TUSC3: variants seen among roughly 807,000 people sequenced by gnomAD.
TUSC3 encodes dolichyl-diphosphooligosaccharide--protein glycosyltransferase subunit TUSC3.
In TUSC3, 45 loss-of-function variants were observed where a neutral mutation model predicts 44.8. The observed-to-expected ratio is 1.00, with a 90% CI of 0.79 to 1.29. The LOEUF is 1.29. TUSC3 is among the 50% of genes most tolerant of loss of function. The probability of loss-of-function intolerance (pLI) is 0.00; values close to 1 mark genes in which losing one functional copy is unlikely to be tolerated. For synonymous variants in TUSC3, 212 were observed against 152.9 expected, an observed-to-expected ratio of 1.39 and a Z score of -2.85; for missense variants, 519 against 437.9, an observed-to-expected ratio of 1.19 and a Z score of -1.65.
the TUSC3 span, among the ~76,000 whole-genome samples, chr8:15,783,315 T>C: frequency 2.6e-5 from 4 of 152,186 alleles, no homozygotes; most frequent in African/African-American, 9.7e-5. Context: ...CACTAACAGA[T>C]TTGACGCAAT....
intron 6 of TUSC3, chr8:15,689,379 G>C (rs1262869369): frequency 4.5e-6 from 1 of 222,828 alleles, no homozygotes; most frequent in African/African-American, 2.4e-5. Flanking sequence ...CTGGGGCCTG[G>C]GGGTGACACC....
At chr8:15,492,622 CAAATT>C (rs139779877) in intron 2 of TUSC3, among the ~76,000 whole-genome samples, 8,061 of 151,956 alleles carry the variant, frequency 0.053, 310 homozygotes, top group East Asian at 0.17. Flanking sequence ...ACTTCAGACA[CAAATT>C]AAATAATTTT....
chr8:15,443,064 T>C (rs1800041393), intron 1 of TUSC3, among the ~76,000 whole-genome samples: 1 of 152,226 alleles, frequency 6.6e-6, no homozygotes, highest in South Asian at 2.1e-4. Context: ...CTGTTTTTGC[T>C]ATCTTCAGAG....
At chr8:15,784,103 A>G in the TUSC3 span, among the ~76,000 whole-genome samples, 1 of 152,190 alleles carries the variant, frequency 6.6e-6, no homozygotes, top group Non-Finnish European at 1.5e-5. Context: ...AAAATGCTCG[A>G]CAACACTAAT....
At chr8:15,546,648 G>T (rs1357071188) in intron 1 of TUSC3, among the ~76,000 whole-genome samples, 3 of 151,546 alleles carry the variant, frequency 2.0e-5, no homozygotes, top group African/African-American at 7.3e-5. Context: ...CAATCCCCCT[G>T]CCTCAGCCTC....
rs796309304 is a variant in TUSC3 at position 15,556,382 on chromosome 8, T to C, written c.138+15814T>C. Among the ~76,000 whole-genome samples, 32 of 151,178 alleles carry C rather than the reference T, an allele frequency of 2.1e-4. 2 individuals are homozygous for C. In the South Asian group the frequency reaches 6.8e-3, roughly 32 times the overall value. Reference sequence around the variant, plus strand: ...TATTCCATGGTGTATATGTGCCACATTTTCTTAATCCAGTCTATCATTGTT... The same window carrying C: ...TATTCCATGGTGTATATGTGCCACACTTTCTTAATCCAGTCTATCATTGTT... On this transcript the variant is annotated intron_variant, in intron 1 of 10. Transcript: ENST00000503731.
chr8:15,851,591 C>T, the TUSC3 span, among the ~76,000 whole-genome samples: 13 of 152,240 alleles, frequency 8.5e-5, no homozygotes, highest in East Asian at 5.8e-4. Flanking sequence ...AGCGTCATGG[C>T]GAGGGACTGA....
intron 6 of TUSC3, among the ~76,000 whole-genome samples, chr8:15,721,998 G>A (rs1479308847): frequency 6.6e-6 from 1 of 151,932 alleles, no homozygotes; most frequent in East Asian, 1.9e-4. Context: ...ATAGTAGAAT[G>A]AGAAGCTCTC....
the TUSC3 span, among the ~76,000 whole-genome samples, chr8:15,796,899 C>G: frequency 2.0e-5 from 3 of 152,156 alleles, no homozygotes; most frequent in African/African-American, 7.2e-5. Context: ...ACCAGCAAGT[C>G]ACAAGGCCTC....
chr8:15,506,613 A>G (rs1462944575), intron 2 of TUSC3, among the ~76,000 whole-genome samples: 6 of 152,198 alleles, frequency 3.9e-5, no homozygotes, highest in Non-Finnish European at 8.8e-5. Context: ...CACGCCTTAC[A>G]TGGTGGCAGG....
intron 6 of TUSC3, among the ~76,000 whole-genome samples, chr8:15,683,124 C>A (rs1450234926): frequency 6.6e-6 from 1 of 152,092 alleles, no homozygotes; most frequent in Non-Finnish European, 1.5e-5. Flanking sequence ...TGACTATTTG[C>A]CTTGGGGATG....
chr8:15,697,823 C>T (rs956687868), intron 6 of TUSC3, among the ~76,000 whole-genome samples: 1 of 152,178 alleles, frequency 6.6e-6, no homozygotes, highest in Non-Finnish European at 1.5e-5. Flanking sequence ...TACGTAGTAA[C>T]TAGCAGACTT....
At chr8:15,523,397 TTG>T (rs1406100801) in intron 2 of TUSC3, among the ~76,000 whole-genome samples, 2 of 152,018 alleles carry the variant, frequency 1.3e-5, no homozygotes, top group African/African-American at 4.8e-5. Context: ...GCAGTATCCT[TTG>T]TGTTTTTACT....
chr8:15,425,327 C>T (rs1799790132), intron 1 of TUSC3, among the ~76,000 whole-genome samples: 1 of 152,044 alleles, frequency 6.6e-6, no homozygotes, highest in Non-Finnish European at 1.5e-5. Context: ...TCTTTTTCGC[C>T]CTTAAGAATG....
chr8:15,469,148 G>T (rs1800452329), intron 1 of TUSC3, among the ~76,000 whole-genome samples: 1 of 152,134 alleles, frequency 6.6e-6, no homozygotes, highest in Non-Finnish European at 1.5e-5. Context: ...ATTTATGAAA[G>T]AAATCATTGA....
intron 2 of TUSC3, among the ~76,000 whole-genome samples, chr8:15,645,574 T>G (rs1806588985): frequency 6.6e-6 from 1 of 152,088 alleles, no homozygotes; most frequent in South Asian, 2.1e-4. Flanking sequence ...TTCTTTAACC[T>G]CTTAAAAGTG....
chr8:15,465,052 G>T (rs1288775367), intron 1 of TUSC3, among the ~76,000 whole-genome samples: 3 of 152,118 alleles, frequency 2.0e-5, no homozygotes, highest in Admixed American at 1.3e-4. Flanking sequence ...GTTTCACTAT[G>T]TTGGCCAGGA....
intron 10 of TUSC3, among the ~76,000 whole-genome samples, chr8:15,760,174 G>A (rs1812113081): frequency 6.6e-6 from 1 of 152,088 alleles, no homozygotes; most frequent in African/African-American, 2.4e-5. Flanking sequence ...AAAGAGGAAG[G>A]CAAAGTTAAT....
chr8:15,425,741 A>C, intron 1 of TUSC3, among the ~76,000 whole-genome samples: 1 of 152,364 alleles, frequency 6.6e-6, no homozygotes, highest in Non-Finnish European at 1.5e-5. Context: ...TCATGGCTAG[A>C]AATTTCTGCA....
Sources: gnomAD v4.1 joint callset for allele counts (sites outside exome capture counted in the v4.1 genomes callset) on GRCh38, gnomAD v4.1.1 for gene constraint, MANE v1.5 for transcripts, NCBI Gene and HGNC (gene_info 2026-07-23, HGNC 2026-07-21) for gene names.